GLIS1: variants seen among roughly 807,000 people sequenced by gnomAD.
GLIS1 encodes the protein zinc finger protein GLIS1.
In GLIS1, 24 loss-of-function variants were observed where a neutral mutation model predicts 63.8. The ratio of observed to expected loss-of-function variants is 0.38; its 90% CI spans 0.27 to 0.53. GLIS1 has a LOEUF of 0.53. GLIS1 is among the 20% of genes least tolerant of loss of function. The probability of loss-of-function intolerance (pLI) is 0.85; values close to 1 mark genes in which losing one functional copy is unlikely to be tolerated. For missense variants in GLIS1, 1,036 were observed against 1,074.1 expected (o/e 0.96, Z 0.50); for synonymous variants, 450 against 482.5 (o/e 0.93, Z 0.88).
intron 2 of GLIS1, among the ~76,000 whole-genome samples, chr1:53,714,541 A>AT (rs1646678206): frequency 6.6e-6 from 1 of 152,240 alleles, no homozygotes; most frequent in Admixed American, 6.5e-5. Flanking sequence ...CAGTGTGAAA[A>AT]TTCCAGTCCA....
At chr1:53,607,620 T>C (rs1645383636) in intron 2 of GLIS1, among the ~76,000 whole-genome samples, 2 of 152,202 alleles carry the variant, frequency 1.3e-5, no homozygotes, top group African/African-American at 4.8e-5. Context: ...ACAGTCAGGA[T>C]GCAAGGCCAG....
chr1:53,508,317 C>T (rs925020921), intron 10 of GLIS1, among the ~76,000 whole-genome samples: 4 of 152,172 alleles, frequency 2.6e-5, no homozygotes, highest in Non-Finnish European at 4.4e-5. Context: ...TGGTATGTGC[C>T]CGGCTGAGGC....
chr1:53,581,007 G>A (rs1645079598), intron 4 of GLIS1, among the ~76,000 whole-genome samples: 1 of 152,074 alleles, frequency 6.6e-6, no homozygotes, highest in Non-Finnish European at 1.5e-5. Flanking sequence ...CTTTCCAAGA[G>A]CGAAACAGTG....
intron 2 of GLIS1, among the ~76,000 whole-genome samples, chr1:53,691,472 G>C (rs1232637396): frequency 6.6e-6 from 1 of 152,202 alleles, no homozygotes; most frequent in African/African-American, 2.4e-5. Flanking sequence ...CACTGGAGAT[G>C]ATGAGGACCC....
chr1:53,680,504 T>C (rs1317973275), intron 2 of GLIS1, among the ~76,000 whole-genome samples: 1 of 152,232 alleles, frequency 6.6e-6, no homozygotes, highest in Admixed American at 6.5e-5. Context: ...CTCTTCCTCC[T>C]CTTGCAAAAG....
chr1:53,635,976 C>T (rs1645718450), intron 2 of GLIS1, among the ~76,000 whole-genome samples: 1 of 152,132 alleles, frequency 6.6e-6, no homozygotes, highest in African/African-American at 2.4e-5. Flanking sequence ...AAGAAAACTC[C>T]AGACCCAGTT....
At chr1:53,669,353 C>A (rs1646127556) in intron 2 of GLIS1, among the ~76,000 whole-genome samples, 1 of 152,164 alleles carries the variant, frequency 6.6e-6, no homozygotes, top group African/African-American at 2.4e-5. Context: ...GCCCATGAGC[C>A]CCCTATGTAT....
At chr1:53,613,357 T>C (rs1353524996) in intron 2 of GLIS1, among the ~76,000 whole-genome samples, 1 of 152,262 alleles carries the variant, frequency 6.6e-6, no homozygotes, top group Admixed American at 6.5e-5. Flanking sequence ...CCTATCTTCA[T>C]GTCCATCCAT....
chr1:53,545,429 T>C (rs999359796), intron 4 of GLIS1, among the ~76,000 whole-genome samples: 1 of 152,230 alleles, frequency 6.6e-6, no homozygotes, highest in Admixed American at 6.5e-5. Context: ...TCATCAGCCA[T>C]TCATTCATTT....
chr1:53,719,112 C>T (rs1403632770), intron 2 of GLIS1, among the ~76,000 whole-genome samples: 2 of 152,250 alleles, frequency 1.3e-5, no homozygotes, highest in African/African-American at 4.8e-5. Flanking sequence ...AAAACGACCA[C>T]TGCCCAGGTC....
chr1:53,635,149 G>A (rs1052806638), intron 2 of GLIS1, among the ~76,000 whole-genome samples: 1 of 152,098 alleles, frequency 6.6e-6, no homozygotes, highest in African/African-American at 2.4e-5. Flanking sequence ...ATTGATGCAG[G>A]AAAGAGAAGG....
chr1:53,671,682 T>C (rs1303839342), intron 2 of GLIS1, among the ~76,000 whole-genome samples: 2 of 152,250 alleles, frequency 1.3e-5, no homozygotes, highest in African/African-American at 4.8e-5. Flanking sequence ...GAGAGGCACA[T>C]GAATTTCATG....
At chr1:53,701,558 G>C (rs1003125114) in intron 2 of GLIS1, among the ~76,000 whole-genome samples, 1 of 152,232 alleles carries the variant, frequency 6.6e-6, no homozygotes, top group Non-Finnish European at 1.5e-5. Context: ...GGCATAGGAA[G>C]AAATGATTGC....
At chr1:53,615,905 C>T (rs1645477753) in intron 2 of GLIS1, among the ~76,000 whole-genome samples, 1 of 152,038 alleles carries the variant, frequency 6.6e-6, no homozygotes, top group South Asian at 2.1e-4. Context: ...TGCGCAACCA[C>T]ACCTGGCTAA....
intron 2 of GLIS1, among the ~76,000 whole-genome samples, chr1:53,620,216 G>A (rs975407568): frequency 2.0e-5 from 3 of 152,232 alleles, no homozygotes; most frequent in African/African-American, 2.4e-5. Flanking sequence ...AGCACTTCAC[G>A]TTTACACAGA....
Position 53,600,221 on chromosome 1 carries a change from T to C in GLIS1, c.317A>G (p.Asp106Gly). 1 of 1,231,962 alleles carries C rather than the reference T, an allele frequency of 8.1e-7. No homozygotes were observed. Among genetic ancestry groups the C allele is most frequent in the Non-Finnish European group, 1.0e-6 (1 of 987,876 alleles). 76.3% of individuals were successfully genotyped at this position (1,231,962 alleles called of 1,614,324 possible). A position where few individuals can be genotyped will look rare whatever the true frequency, so the allele number is the denominator to read the frequency against. Residue 106 changes from aspartate to glycine, a missense_variant, in exon 3 of 11, where the codon GAC becomes GGC. Coordinates refer to ENST00000628545, the MANE Select transcript of GLIS1 (RefSeq NM_001367484.1). ...PGSEKSLLDL[D>G]LAEGPGPTCC... ...GGTGGGGCCAGGGCCCTCAGCAAGG[T>C]CCAGGTCCAGCAGGCTCTTCTCTGA...
At chr1:53,536,235 C>T (rs982946993) in intron 4 of GLIS1, among the ~76,000 whole-genome samples, 1 of 152,002 alleles carries the variant, frequency 6.6e-6, no homozygotes, top group African/African-American at 2.4e-5. Context: ...GAAGGAAGGG[C>T]TCCCACACCA....
At chr1:53,638,148 G>A (rs891225811) in intron 2 of GLIS1, among the ~76,000 whole-genome samples, 1 of 152,226 alleles carries the variant, frequency 6.6e-6, no homozygotes, top group African/African-American at 2.4e-5. Flanking sequence ...AGGCCACACG[G>A]TGTAAGGGTC....
At chr1:53,567,676 CAG>C (rs1344167041) in intron 4 of GLIS1, among the ~76,000 whole-genome samples, 1 of 152,204 alleles carries the variant, frequency 6.6e-6, no homozygotes, top group Non-Finnish European at 1.5e-5. Flanking sequence ...TGTACAGCCT[CAG>C]GACATGGTGT....
Sources: allele counts gnomAD v4.1 joint callset (sites outside exome capture counted in the v4.1 genomes callset), GRCh38; gene constraint gnomAD v4.1.1; transcripts MANE v1.5; gene names NCBI Gene and HGNC (gene_info 2026-07-23, HGNC 2026-07-21).